Variants in LINGO2 observed in about 807,000 individuals in gnomAD.
LINGO2 encodes the protein leucine rich repeat and Ig domain containing 2.
A neutral mutation model predicts 30.6 loss-of-function variants in LINGO2; 14 were observed. That is an observed-to-expected ratio of 0.46 (90% confidence interval 0.30 to 0.72). The LOEUF (loss-of-function observed/expected upper bound fraction) is 0.72, where lower values mean the gene tolerates loss of function less well. Ranked by LOEUF, LINGO2 falls within the 30% of genes least tolerant of loss-of-function variation. The probability of loss-of-function intolerance (pLI) is 0.07; values close to 1 mark genes in which losing one functional copy is unlikely to be tolerated. For missense variants in LINGO2, 729 were observed against 751.7 expected (o/e 0.97, Z 0.35); for synonymous variants, 317 against 288.5 (o/e 1.10, Z -1.00).
chr9:28,905,451 G>A, the LINGO2 span, among the ~76,000 whole-genome samples: 2 of 150,866 alleles, frequency 1.3e-5, no homozygotes, highest in East Asian at 1.9e-4. Context: ...TTAATAGCAA[G>A]AAAAAAAATA....
intron 4 of LINGO2, among the ~76,000 whole-genome samples, chr9:28,039,274 AAAAGG>A (rs1454812027): frequency 2.0e-5 from 3 of 152,234 alleles, no homozygotes; most frequent in African/African-American, 7.2e-5. Flanking sequence ...TTGGGCTAAT[AAAAGG>A]AAAAGGCCAA....
chr9:28,302,494 C>T (rs1824185621), intron 3 of LINGO2, among the ~76,000 whole-genome samples: 1 of 152,116 alleles, frequency 6.6e-6, no homozygotes, highest in African/African-American at 2.4e-5. Context: ...GCCTGGGCAA[C>T]ATGGTGAAAC....
chr9:28,210,026 A>G (rs1219514819), intron 4 of LINGO2, among the ~76,000 whole-genome samples: 1 of 151,808 alleles, frequency 6.6e-6, no homozygotes, highest in East Asian at 1.9e-4. Flanking sequence ...CTTTAATGCA[A>G]ACAAGAAGAA....
chr9:28,194,938 A>G (rs1819955917), intron 4 of LINGO2, among the ~76,000 whole-genome samples: 2 of 152,056 alleles, frequency 1.3e-5, no homozygotes, highest in African/African-American at 4.8e-5. Context: ...CTAAATATAT[A>G]GAGTAATTAC....
rs75772604 is a variant in LINGO2, at chr9:28,141,946, T to C, written c.-86-129541A>G. Among the ~76,000 whole-genome samples the C allele has an allele frequency of 1.9e-3, 285 of 152,278 alleles. 5 individuals carry two copies. In the South Asian group the frequency reaches 0.04, roughly 21 times the overall value. On this transcript the variant is annotated intron_variant, in intron 4 of 5. Transcript: ENST00000379992. ...AAAATTCTTAGCTAGAATTGTTAAC[T>C]AAATGGAACTCATGTTGGAAAACAT...
the LINGO2 span, among the ~76,000 whole-genome samples, chr9:29,203,736 C>T: frequency 6.6e-6 from 1 of 152,184 alleles, no homozygotes; most frequent in Non-Finnish European, 1.5e-5. Flanking sequence ...ACTTAATCCT[C>T]TTGCCTATTA....
At chr9:28,334,198 A>T (rs565405342) in intron 3 of LINGO2, among the ~76,000 whole-genome samples, 2 of 152,278 alleles carry the variant, frequency 1.3e-5, no homozygotes, top group South Asian at 4.1e-4. Context: ...TATAAGAAAG[A>T]AGATGGCCTG....
intron 1 of LINGO2, among the ~76,000 whole-genome samples, chr9:28,573,627 T>C (rs994355604): frequency 6.6e-6 from 1 of 152,198 alleles, no homozygotes; most frequent in Non-Finnish European, 1.5e-5. Flanking sequence ...TTTGTCACAT[T>C]ACAGTTTTCT....
the LINGO2 span, among the ~76,000 whole-genome samples, chr9:29,004,692 A>C: frequency 1.3e-5 from 2 of 152,124 alleles, no homozygotes; most frequent in South Asian, 2.1e-4. Flanking sequence ...TCTATATAAC[A>C]GCAATTCCAG....
the LINGO2 span, among the ~76,000 whole-genome samples, chr9:28,714,164 A>AATATATATATATATATATAT: frequency 2.8e-3 from 333 of 116,936 alleles, no homozygotes; most frequent in Admixed American, 6.7e-3. Flanking sequence ...TGCCTCAAAT[A>AATATATATATATATATATAT]ATATATATAT....
chr9:28,940,253 C>T, the LINGO2 span, among the ~76,000 whole-genome samples: 4 of 152,068 alleles, frequency 2.6e-5, no homozygotes. Flanking sequence ...GAGTTCTACC[C>T]AGTGGAAAAT....
chr9:28,349,056 G>A, intron 3 of LINGO2, among the ~76,000 whole-genome samples: 1 of 151,656 alleles, frequency 6.6e-6, no homozygotes, highest in Non-Finnish European at 1.5e-5. Flanking sequence ...GGAAAAAACA[G>A]AACAGAAAAA....
chr9:28,557,799 T>C lies in LINGO2; in HGVS notation c.-364-81774A>G, dbSNP rs564645298. 7.4e-3 allele frequency among the ~76,000 whole-genome samples: 1,117 copies of C among 151,708 alleles called. 30 individuals are homozygous for C. The East Asian group carries it at 0.095, about 13-fold the overall frequency. The stretch of plus-strand genomic sequence containing the variant: ...AAGAAAATGTGGCACATATACACCA[T>C]GGAATACTATGCAGCCATAAAAAAT... On this transcript the variant is annotated intron_variant, in intron 1 of 5. Transcript: ENST00000379992.
chr9:29,158,948 A>T, the LINGO2 span, among the ~76,000 whole-genome samples: 2 of 152,182 alleles, frequency 1.3e-5, no homozygotes, highest in African/African-American at 4.8e-5. Context: ...AGAGTTATGA[A>T]AGAGAAGCCT....
At chr9:28,986,499 A>G in the LINGO2 span, among the ~76,000 whole-genome samples, 2 of 152,052 alleles carry the variant, frequency 1.3e-5, no homozygotes, top group African/African-American at 4.8e-5. Context: ...TACTTCCAAT[A>G]TATAAACACA....
chr9:27,940,072 T>G, the LINGO2 span: 1 of 152,178 alleles, frequency 6.6e-6, no homozygotes, highest in African/African-American at 2.4e-5. Context: ...GAGGTCTTAG[T>G]TTTTTTAGCA....
intron 1 of LINGO2, among the ~76,000 whole-genome samples, chr9:28,573,884 A>G (rs557799262): frequency 3.2e-4 from 48 of 152,276 alleles, no homozygotes; most frequent in Middle Eastern, 3.4e-3. Flanking sequence ...ACAACTTTTC[A>G]TTAAAAAACA....
intron 4 of LINGO2, among the ~76,000 whole-genome samples, chr9:28,079,460 A>T (rs900535902): frequency 6.6e-6 from 1 of 152,228 alleles, no homozygotes; most frequent in Non-Finnish European, 1.5e-5. Context: ...ATAACTAACA[A>T]TGCTCTTTAC....
intron 2 of LINGO2, among the ~76,000 whole-genome samples, chr9:28,425,738 A>G (rs1823383335): frequency 6.6e-6 from 1 of 152,014 alleles, no homozygotes; most frequent in South Asian, 2.1e-4. Flanking sequence ...CTTCTCCAAA[A>G]TGTAGTGTCT....
Sources: allele counts gnomAD v4.1 joint callset (sites outside exome capture counted in the v4.1 genomes callset), GRCh38; gene constraint gnomAD v4.1.1; transcripts MANE v1.5; gene names NCBI Gene and HGNC (gene_info 2026-07-23, HGNC 2026-07-21).